The following DNAI3 variants were observed in gnomAD, a reference collection of about 807,000 sequenced individuals.
DNAI3 encodes WD repeat domain 63.
DNAI3 carries 83 observed loss-of-function variants against 115.5 expected under a neutral mutation model. The observed-to-expected ratio is 0.72, with a 90% CI of 0.60 to 0.86. The LOEUF is 0.86. Ranked by LOEUF, DNAI3 falls within the 40% of genes least tolerant of loss-of-function variation. The pLI is 0.00. For missense variants in DNAI3, 1,004 were observed against 1,075.8 expected (o/e 0.93, Z 0.93); for synonymous variants, 320 against 347.0 (o/e 0.92, Z 0.86).
At chr1:85,089,691 CA>C (rs1473166230) in intron 7 of DNAI3, among the ~76,000 whole-genome samples, 1 of 151,538 alleles carries the variant, frequency 6.6e-6, no homozygotes, top group African/African-American at 2.4e-5. Context: ...TTGTGACAAC[CA>C]AAAATGTTTC....
intron 9 of DNAI3, chr1:85,093,991 C>T: frequency 2.1e-6 from 1 of 468,660 alleles, no homozygotes; most frequent in South Asian, 1.7e-5. Flanking sequence ...CTAACACTGC[C>T]TTTCTGATTA....
chr1:85,110,154 TTAA>T lies in DNAI3; in HGVS notation c.1786+20_1786+22del. On this transcript the variant is annotated intron_variant, in intron 16 of 22. Coordinates refer to ENST00000294664, the MANE Select transcript of DNAI3 (RefSeq NM_145172.5). ...ACACAAGGTAACTGCCTTTGCTTATTTAAAAAAAAAAAAAAGGCCGGGCGCGGT... is the reference window on the plus strand; with the variant it reads ...ACACAAGGTAACTGCCTTTGCTTATTAAAAAAAAAAAAGGCCGGGCGCGGT... 1.9e-6 allele frequency: 3 copies of T among 1,597,036 alleles called. No individual in the cohort carries two copies. Among genetic ancestry groups the T allele is most frequent in the South Asian group, 1.1e-5 (1 of 89,430 alleles).
At chr1:85,091,021 A>G (rs1238090171) in intron 8 of DNAI3, among the ~76,000 whole-genome samples, 1 of 152,216 alleles carries the variant, frequency 6.6e-6, no homozygotes, top group Non-Finnish European at 1.5e-5. Flanking sequence ...AAAAATTCCA[A>G]CAACTCTCAA....
At chr1:85,095,431 A>T (rs993015010) in intron 10 of DNAI3, among the ~76,000 whole-genome samples, 1 of 152,158 alleles carries the variant, frequency 6.6e-6, no homozygotes, top group African/African-American at 2.4e-5. Context: ...AAATTGAAAG[A>T]TCTCTAGCCC....
chr1:85,080,437 A>G (rs1239217900), intron 3 of DNAI3, among the ~76,000 whole-genome samples: 2 of 152,230 alleles, frequency 1.3e-5, no homozygotes, highest in Non-Finnish European at 2.9e-5. Flanking sequence ...AGTTGAATGG[A>G]TGCTGGTGGC....
chr1:85,077,998 G>A (rs977060526), intron 3 of DNAI3, among the ~76,000 whole-genome samples: 1 of 152,120 alleles, frequency 6.6e-6, no homozygotes, highest in Admixed American at 6.6e-5. Context: ...TGTGCACATA[G>A]TAAGATTCTG....
chr1:85,118,540 A>G (rs1655900819), intron 17 of DNAI3, among the ~76,000 whole-genome samples: 1 of 152,156 alleles, frequency 6.6e-6, no homozygotes. Context: ...TATTTTTCCC[A>G]GGCCAAGTCA....
chr1:85,098,884 G>A (rs951456006), intron 13 of DNAI3, among the ~76,000 whole-genome samples: 3 of 152,306 alleles, frequency 2.0e-5, no homozygotes, highest in Non-Finnish European at 2.9e-5. Flanking sequence ...AATGTGGGTG[G>A]TGTCAACACT....
chr1:85,084,933 A>C (rs751590744), intron 6 of DNAI3, among the ~76,000 whole-genome samples: 4 of 152,244 alleles, frequency 2.6e-5, no homozygotes, highest in Non-Finnish European at 4.4e-5. Context: ...ATGTGATTCT[A>C]TCTGAAAATA....
chr1:85,108,912 G>A (rs911247080), intron 15 of DNAI3, among the ~76,000 whole-genome samples: 1 of 152,206 alleles, frequency 6.6e-6, no homozygotes. Context: ...CCAATAGCAT[G>A]TCAGTTGCCT....
rs1228373577 is a variant in DNAI3, at chr1:85,084,217, G to GTA, written c.391-321_391-320dup. Among the ~76,000 whole-genome samples, 10 of 130,638 alleles carry GTA rather than the reference G, an allele frequency of 7.7e-5. No homozygotes were observed. The South Asian group carries it at 2.0e-3, about 26-fold the overall frequency. The allele number at this position is 130,638 out of a possible 152,430, so 85.7% of individuals were successfully genotyped here. A position where few individuals can be genotyped will look rare whatever the true frequency, so the allele number is the denominator to read the frequency against. ...TATACACATCTATATGTAGAGATGTGTATATATATGTGTATATATATATCA... is the reference window on the plus strand; with the variant it reads ...TATACACATCTATATGTAGAGATGTGTATATATATATGTGTATATATATATCA... On this transcript the variant is annotated intron_variant, in intron 5 of 22. Coordinates refer to ENST00000294664, the MANE Select transcript of DNAI3 (RefSeq NM_145172.5).
In DNAI3 at chr1:85,126,552, C is replaced by T. The variant is rs774474662; in HGVS notation, c.2154C>T (p.Tyr718=). Residue 718 remains tyrosine, a synonymous_variant, in exon 20 of 23, where the codon TAC becomes TAT. Transcript: ENST00000294664. ...AGTCATGCTGTGCACCAAAAAGGTACACCTCAGGCCACTGGTCCCTGACTC... is the reference window on the plus strand; with the variant it reads ...AGTCATGCTGTGCACCAAAAAGGTATACCTCAGGCCACTGGTCCCTGACTC... The part of the protein sequence containing the change: ...LLQSCCAPKR[Y]TSGHWSLTRP... 6.2e-6 allele frequency: 10 copies of T among 1,614,124 alleles called. No homozygotes were observed. Among genetic ancestry groups the T allele is most frequent in the Middle Eastern group, 1.6e-4 (1 of 6,062 alleles).
chr1:85,097,767 A>G, intron 12 of DNAI3, 112 bp downstream of exon 12: 2 of 926,532 alleles, frequency 2.2e-6, no homozygotes, highest in Non-Finnish European at 3.1e-6. Context: ...AAAGGAAAAA[A>G]AAAAAGAATG....
intron 18 of DNAI3, 101 bp downstream of exon 18, chr1:85,121,915 G>T: frequency 7.9e-7 from 1 of 1,259,258 alleles, no homozygotes; most frequent in South Asian, 1.3e-5. Flanking sequence ...TCTTGCTAAT[G>T]GGAGGGAAGG....
At chr1:85,092,562 A>G (rs1655009634) in intron 8 of DNAI3, among the ~76,000 whole-genome samples, 1 of 152,196 alleles carries the variant, frequency 6.6e-6, no homozygotes, top group African/African-American at 2.4e-5. Context: ...AGATCTAAGC[A>G]TAAAAAGGGA....
chr1:85,092,801 AC>A (rs1224795838), intron 8 of DNAI3, among the ~76,000 whole-genome samples: 4 of 42,380 alleles, frequency 9.4e-5, no homozygotes, highest in African/African-American at 2.3e-4. Flanking sequence ...AACTACACAC[AC>A]ACACACACAC....
intron 18 of DNAI3, among the ~76,000 whole-genome samples, chr1:85,123,907 G>GA (rs1656056783): frequency 6.6e-6 from 1 of 152,176 alleles, no homozygotes; most frequent in African/African-American, 2.4e-5. Flanking sequence ...ATTTAAGCTT[G>GA]AAAAATGGCC....
At chr1:85,129,284 G>A (rs1214541780) in intron 21 of DNAI3, among the ~76,000 whole-genome samples, 2 of 152,228 alleles carry the variant, frequency 1.3e-5, no homozygotes, top group South Asian at 2.1e-4. Flanking sequence ...TAATAATGAG[G>A]CTTTAAAAAG....
At position 85,133,030 on chromosome 1, in the gene DNAI3, T is replaced by C; in HGVS notation, c.*32T>C. On this transcript the variant is annotated 3_prime_UTR_variant, in exon 23 of 23. Coordinates refer to ENST00000294664, the MANE Select transcript of DNAI3 (RefSeq NM_145172.5). ...TTCCTGAAGGGGTGTTTTGGGGACT[T>C]CTTCCCTCTATTTATTTTTATGTCA... is the stretch of plus-strand genomic sequence containing the variant. 6.3e-7 allele frequency: 1 copy of C among 1,591,798 alleles called. No homozygotes were observed. Among genetic ancestry groups the C allele is most frequent in the South Asian group, 1.2e-5 (1 of 86,932 alleles).
Sources: allele counts gnomAD v4.1 joint callset (sites outside exome capture counted in the v4.1 genomes callset), GRCh38; gene constraint gnomAD v4.1.1; transcripts MANE v1.5; gene names NCBI Gene and HGNC (gene_info 2026-07-23, HGNC 2026-07-21).